Variants in DYRK4 observed in about 807,000 individuals in gnomAD.
The protein encoded by DYRK4 is dual specificity tyrosine-phosphorylation-regulated kinase 4.
DYRK4 carries 64 observed loss-of-function variants against 68.3 expected under a neutral mutation model. That is an observed-to-expected ratio of 0.94 (90% confidence interval 0.77 to 1.15). The LOEUF (loss-of-function observed/expected upper bound fraction) is 1.15. Among genes scored for constraint, DYRK4 ranks in the 50% most tolerant of loss-of-function variants. The probability of loss-of-function intolerance (pLI) is 0.00; values close to 1 mark genes in which losing one functional copy is unlikely to be tolerated. For missense variants in DYRK4, 740 were observed against 764.7 expected, an observed-to-expected ratio of 0.97 and a Z score of 0.38; for synonymous variants, 274 against 289.9, an observed-to-expected ratio of 0.95 and a Z score of 0.56.
At position 4,613,671 on chromosome 12, in the gene DYRK4, G is replaced by T. The variant is rs568761673; in HGVS notation, c.1823G>T (p.Gly608Val). 12 of 1,613,076 alleles carry T rather than the reference G, an allele frequency of 7.4e-6. No homozygotes were observed. In the South Asian group the frequency reaches 1.3e-4, roughly 18 times the overall value. ...CCCAAGAAGTCAGAGGCAGCTGTCG[G>T]GGCGGAGGTGTCCATGACCTCCCCA... is the stretch of plus-strand genomic sequence containing the variant. ...DAPKKSEAAV[G>V]AEVSMTSPGQ... The change falls in exon 15 of 15, where the codon GGG (glycine) becomes GTG (valine). Residue 608 changes from glycine to valine, a missense_variant. Physicochemically the swap from Gly to Val is moderately radical, Grantham distance 109. Around this residue, in one of 3 missense-constraint regions of DYRK4, gnomAD observed 614 missense variants for 603.7 expected, o/e 1.02. Transcript: ENST00000543431. This position sits in a 1 kb window ranked among gnomAD's most constrained non-coding sequence, Gnocchi z 4.0.
At chr12:4,599,194 A>G (rs2137382394) in intron 9 of DYRK4, 28 bp downstream of exon 9, 1 of 1,611,026 alleles carries the variant, frequency 6.2e-7, no homozygotes, top group Admixed American at 1.7e-5. Context: ...CCTGCCATGG[A>G]CACACTCTGG....
chr12:4,612,274 A>G (rs1250431751), intron 13 of DYRK4, among the ~76,000 whole-genome samples: 3 of 152,172 alleles, frequency 2.0e-5, no homozygotes, highest in Non-Finnish European at 4.4e-5. Context: ...GTAAAATAAT[A>G]TTTCTTATAA....
At chr12:4,570,020 T>G (rs1944714502) in intron 2 of DYRK4, among the ~76,000 whole-genome samples, 1 of 150,068 alleles carries the variant, frequency 6.7e-6, no homozygotes, top group South Asian at 2.1e-4. Context: ...CTGGGTAACA[T>G]AGCAAGACCC....
intron 12 of DYRK4, among the ~76,000 whole-genome samples, chr12:4,607,725 C>T (rs946119731): frequency 4.6e-5 from 7 of 152,146 alleles, no homozygotes; most frequent in Non-Finnish European, 1.0e-4. Flanking sequence ...AGCAACTTGC[C>T]CTCTCACACT....
intron 1 of DYRK4, chr12:4,563,198 G>T (rs1944645885): frequency 4.4e-6 from 2 of 453,816 alleles, no homozygotes; most frequent in Non-Finnish European, 8.9e-6. Flanking sequence ...CTAGGAGTTC[G>T]AAGAAATTCT....
Position 4,613,823 on chromosome 12 carries a change from A to C in DYRK4, c.*70A>C, listed in dbSNP as rs773704504. ...ATTAAGACAGCACTTATATTGTACA[A>C]TACTTCAGACTGTTTTTTTTAAATA... On this transcript the variant is annotated 3_prime_UTR_variant, in exon 15 of 15. Coordinates refer to ENST00000543431, the MANE Select transcript of DYRK4 (RefSeq NM_001394779.1). This position sits in a 1 kb window ranked among gnomAD's most constrained non-coding sequence, Gnocchi z 4.0. 7.2e-7 allele frequency: 1 copy of C among 1,397,680 alleles called. No homozygotes were observed. Among genetic ancestry groups the C allele is most frequent in the Non-Finnish European group, 9.4e-7 (1 of 1,066,184 alleles). 86.6% of individuals were successfully genotyped at this position (1,397,680 alleles called of 1,614,324 possible).
At chr12:4,612,137 A>G (rs1029243160) in intron 13 of DYRK4, among the ~76,000 whole-genome samples, 16 of 152,218 alleles carry the variant, frequency 1.1e-4, no homozygotes, top group Admixed American at 4.6e-4. Context: ...TGCAAATCTT[A>G]ATATTCTAGA....
intron 11 of DYRK4, among the ~76,000 whole-genome samples, chr12:4,607,086 G>C (rs1048764857): frequency 1.3e-5 from 2 of 152,150 alleles, no homozygotes; most frequent in South Asian, 2.1e-4. Flanking sequence ...ACCCCTAGTT[G>C]GTGCTGATGT....
intron 10 of DYRK4, 159 bp from the exon 11 acceptor site, chr12:4,604,755 A>G: frequency 1.3e-6 from 1 of 756,386 alleles, no homozygotes. Context: ...GGCGGATTTG[A>G]TGCTGTGATG....
chr12:4,586,729 C>CACACACACACACAG (rs368783190), intron 2 of DYRK4, among the ~76,000 whole-genome samples: 3,299 of 112,452 alleles, frequency 0.029, 80 homozygotes, highest in African/African-American at 0.063. Context: ...CACACACACA[C>CACACACACACACAG]ACAGACACAC....
rs766535828 is a variant in DYRK4 at position 4,562,323 on chromosome 12, C to T, written c.38+40C>T. On this transcript the variant is annotated intron_variant, in intron 1 of 14. Coordinates refer to ENST00000543431, the MANE Select transcript of DYRK4 (RefSeq NM_001394779.1). ...GGCTCGTACTTCACGAGCAGTCAGG[C>T]GCGAGTACGAGGCAGGCGACGAAGC... 524 of 1,525,156 alleles carry T rather than the reference C, an allele frequency of 3.4e-4. 2 individuals carry two copies. The Middle Eastern group carries it at 6.9e-3, about 20-fold the overall frequency. 94.5% of individuals were successfully genotyped at this position (1,525,156 alleles called of 1,614,324 possible).
intron 2 of DYRK4, among the ~76,000 whole-genome samples, chr12:4,586,584 A>G (rs1944898901): frequency 6.6e-6 from 1 of 152,086 alleles, no homozygotes; most frequent in Non-Finnish European, 1.5e-5. Context: ...ACAATCAGCA[A>G]GTTCATAAAC....
chr12:4,582,336 C>T (rs926470258), intron 2 of DYRK4, among the ~76,000 whole-genome samples: 2 of 152,030 alleles, frequency 1.3e-5, no homozygotes, highest in East Asian at 1.9e-4. Context: ...CCCAGCTACT[C>T]GGGAGGCTGA....
At chr12:4,597,606 T>C (rs1188436153) in intron 8 of DYRK4, among the ~76,000 whole-genome samples, 1 of 152,334 alleles carries the variant, frequency 6.6e-6, no homozygotes, top group East Asian at 1.9e-4. Context: ...AGAATGTCAT[T>C]GTGCTTAAAA....
At chr12:4,590,017 G>A (rs773124057) in intron 3 of DYRK4, 13 of 448,686 alleles carry the variant, frequency 2.9e-5, no homozygotes, top group Admixed American at 5.6e-5. Flanking sequence ...AGCCTTATGA[G>A]GTAGGCCCCA....
At chr12:4,564,923 C>T (rs1248193903) in intron 1 of DYRK4, among the ~76,000 whole-genome samples, 1 of 152,144 alleles carries the variant, frequency 6.6e-6, no homozygotes, top group South Asian at 2.1e-4. Context: ...CACTAAAGCT[C>T]TTGACCAAGT....
At chr12:4,600,659 A>G (rs1256856176) in intron 10 of DYRK4, among the ~76,000 whole-genome samples, 1 of 151,486 alleles carries the variant, frequency 6.6e-6, no homozygotes, top group Non-Finnish European at 1.5e-5. Flanking sequence ...AATATAATAA[A>G]AGACACAGAT....
chr12:4,569,657 C>T (rs560001724), intron 2 of DYRK4, among the ~76,000 whole-genome samples: 6 of 151,966 alleles, frequency 3.9e-5, no homozygotes, highest in South Asian at 2.1e-4. Context: ...GACAGGGTCT[C>T]GCTATGTTGC....
rs1945236220 is a variant in DYRK4 at position 4,612,633 on chromosome 12, C to T, written c.1581C>T (p.Pro527=). 4 of 1,614,068 alleles carry T rather than the reference C, an allele frequency of 2.5e-6. No individual in the cohort carries two copies. The East Asian group carries it at 6.7e-5, about 27-fold the overall frequency. ...QSRNLKPQPR[P]QTLRKSNSFF... ...GGAACCTCAAGCCACAGCCCAGGCC[C>T]CAGACCCTGAGGAAATCCAATTCCT... The change falls in exon 14 of 15, where the codon CCC becomes CCT. Residue 527 remains proline (P), a synonymous_variant. Coordinates refer to ENST00000543431, the MANE Select transcript of DYRK4 (RefSeq NM_001394779.1).
Sources: gnomAD v4.1 joint callset for allele counts (sites outside exome capture counted in the v4.1 genomes callset) on GRCh38, gnomAD v4.1.1 for gene constraint, gnomAD v4.1.1 regional missense constraint, Gnocchi (gnomAD v3.1) non-coding constraint, MANE v1.5 for transcripts, NCBI Gene and HGNC (gene_info 2026-07-23, HGNC 2026-07-21) for gene names.